Variants in TULP4 observed in about 807,000 individuals in gnomAD.
The protein encoded by TULP4 is TUB like protein 4, also known as tubby-related protein 4.
Under a neutral mutation model 129.0 loss-of-function variants are expected in TULP4, and 16 were observed. The ratio of observed to expected loss-of-function variants is 0.12; its 90% CI spans 0.08 to 0.19. The LOEUF is 0.19. Ranked by LOEUF, TULP4 falls within the 10% of genes least tolerant of loss-of-function variation. The pLI is 1.00. For missense variants in TULP4, 1,842 were observed against 2,059.1 expected (o/e 0.89, Z 2.04); for synonymous variants, 998 against 854.0 (o/e 1.17, Z -2.94).
chr6:158,375,113 G>A (rs1777155870), intron 1 of TULP4, among the ~76,000 whole-genome samples: 1 of 151,970 alleles, frequency 6.6e-6, no homozygotes, highest in South Asian at 2.1e-4. Flanking sequence ...CGTGGTGGTG[G>A]GTGCCTGTAG....
chr6:158,458,014 C>T (rs529113933), intron 5 of TULP4, among the ~76,000 whole-genome samples: 3 of 152,262 alleles, frequency 2.0e-5, no homozygotes, highest in Admixed American at 2.0e-4. Flanking sequence ...TCCACATGCA[C>T]GTGTGTATGC....
At chr6:158,235,844 CTTATT>C (rs1380863365) in intron 1 of TULP4, among the ~76,000 whole-genome samples, 30 of 152,268 alleles carry the variant, frequency 2.0e-4, no homozygotes, top group Admixed American at 1.8e-3. Context: ...TTATAGAACA[CTTATT>C]TTATTAAAAC....
chr6:158,313,261 C>T lies in TULP4; in HGVS notation c.-756C>T, dbSNP rs564113320. The T allele has an allele frequency of 8.0e-5, 30 of 373,744 alleles. No homozygotes were observed. In the East Asian group the frequency reaches 9.5e-4, roughly 12 times the overall value. The allele number at this position is 373,744 out of a possible 1,614,324, so 23.2% of individuals were successfully genotyped here. A position where few individuals can be genotyped will look rare whatever the true frequency, so the allele number is the denominator to read the frequency against. On this transcript the variant is annotated 5_prime_UTR_variant, in exon 1 of 14. Coordinates refer to ENST00000367097, the MANE Select transcript of TULP4 (RefSeq NM_020245.5). ...GGAGGAGCAGTCCGATGGAGCCCTG[C>T]GTTCCCCGGGGACACAGGGCCAAGC...
chr6:158,308,014 T>A (rs1239784858), upstream of TULP4, among the ~76,000 whole-genome samples: 1 of 151,822 alleles, frequency 6.6e-6, no homozygotes, highest in Non-Finnish European at 1.5e-5. Flanking sequence ...TTTCTTTTTT[T>A]ATTTTTATTG....
intron 1 of TULP4, among the ~76,000 whole-genome samples, chr6:158,327,428 C>T (rs560243584): frequency 6.6e-6 from 1 of 152,286 alleles, no homozygotes; most frequent in East Asian, 1.9e-4. Flanking sequence ...TCTGTTTTCT[C>T]TAACCTACTA....
intron 1 of TULP4, among the ~76,000 whole-genome samples, chr6:158,387,514 A>G (rs1409408561): frequency 6.6e-6 from 1 of 152,232 alleles, no homozygotes; most frequent in East Asian, 1.9e-4. Context: ...TTTAAGTAGC[A>G]GCCTGATCAG....
chr6:158,349,438 C>G (rs148984819), intron 1 of TULP4, among the ~76,000 whole-genome samples: 1 of 120,240 alleles, frequency 8.3e-6, no homozygotes, highest in African/African-American at 3.2e-5. Context: ...ACATCCCAGA[C>G]GGGGCGGCTG....
At chr6:158,359,256 A>G (rs1780712915) in intron 1 of TULP4, among the ~76,000 whole-genome samples, 1 of 152,184 alleles carries the variant, frequency 6.6e-6, no homozygotes, top group African/African-American at 2.4e-5. Flanking sequence ...GGAAAAAAAA[A>G]TCGTTCTTTG....
chr6:158,311,477 GAC>G (rs767467596), upstream of TULP4, among the ~76,000 whole-genome samples: 7 of 152,184 alleles, frequency 4.6e-5, no homozygotes, highest in Non-Finnish European at 8.8e-5. Context: ...ATTTGCTAGA[GAC>G]AGATTCTCTA....
chr6:158,269,838 A>T (rs1778514484), intron 1 of TULP4, among the ~76,000 whole-genome samples: 1 of 152,242 alleles, frequency 6.6e-6, no homozygotes, highest in African/African-American at 2.4e-5. Flanking sequence ...AAAGTTACCC[A>T]GTCAGGTGGT....
At chr6:158,252,854 A>G (rs1778169349) in intron 1 of TULP4, among the ~76,000 whole-genome samples, 2 of 152,090 alleles carry the variant, frequency 1.3e-5, no homozygotes, top group East Asian at 1.9e-4. Flanking sequence ...TTTCCAGGTT[A>G]CCACATTGGA....
intron 1 of TULP4, among the ~76,000 whole-genome samples, chr6:158,307,152 T>C (rs1348526239): frequency 6.6e-6 from 1 of 152,196 alleles, no homozygotes; most frequent in Non-Finnish European, 1.5e-5. Context: ...TAAGAGTGTA[T>C]TGTTTTATAT....
intron 1 of TULP4, among the ~76,000 whole-genome samples, chr6:158,298,498 C>T (rs1779077527): frequency 6.6e-6 from 1 of 150,708 alleles, no homozygotes; most frequent in Non-Finnish European, 1.5e-5. Context: ...ATAAATGTGC[C>T]ATGGCGATGA....
At chr6:158,472,459 A>G (rs1437122306) in intron 6 of TULP4, among the ~76,000 whole-genome samples, 1 of 152,174 alleles carries the variant, frequency 6.6e-6, no homozygotes, top group Non-Finnish European at 1.5e-5. Context: ...CATTGAAAAA[A>G]TCGCCTCAAT....
chr6:158,236,799 T>TCTTTTC (rs1554272521), intron 1 of TULP4, among the ~76,000 whole-genome samples: 3 of 25,684 alleles, frequency 1.2e-4, no homozygotes, highest in Non-Finnish European at 1.4e-4. Context: ...TCTTTTCTTT[T>TCTTTTC]TTTTTTTTTT....
chr6:158,360,298 G>A (rs1008316777), intron 1 of TULP4, among the ~76,000 whole-genome samples: 1 of 152,126 alleles, frequency 6.6e-6, no homozygotes, highest in Non-Finnish European at 1.5e-5. Flanking sequence ...CCTGGTATCT[G>A]TCCATCATGG....
intron 1 of TULP4, among the ~76,000 whole-genome samples, chr6:158,262,188 G>T (rs975213625): frequency 1.1e-4 from 16 of 152,252 alleles, no homozygotes; most frequent in African/African-American, 3.9e-4. Flanking sequence ...CCCTGACATC[G>T]TGTCCCTGAA....
intron 1 of TULP4, among the ~76,000 whole-genome samples, chr6:158,270,330 C>G (rs567132323): frequency 3.9e-5 from 6 of 152,188 alleles, no homozygotes; most frequent in Non-Finnish European, 8.8e-5. Context: ...TGCCAGGGAC[C>G]GGTCATTCCA....
intron 1 of TULP4, among the ~76,000 whole-genome samples, chr6:158,342,192 A>T (rs999244229): frequency 3.9e-5 from 6 of 152,392 alleles, no homozygotes; most frequent in African/African-American, 1.4e-4. Flanking sequence ...CTGGGATTAC[A>T]GGCGTGAGCC....
Sources: gnomAD v4.1 joint callset for allele counts (sites outside exome capture counted in the v4.1 genomes callset) on GRCh38, gnomAD v4.1.1 for gene constraint, MANE v1.5 for transcripts, NCBI Gene and HGNC (gene_info 2026-07-23, HGNC 2026-07-21) for gene names.